Variants in CNBD1 observed in about 807,000 individuals in gnomAD.
CNBD1 encodes the protein cyclic nucleotide-binding domain-containing protein 1.
A neutral mutation model predicts 54.4 loss-of-function variants in CNBD1; 71 were observed. The observed-to-expected ratio is 1.30, with a 90% confidence interval of 1.08 to 1.59. The LOEUF is 1.59. Ranked by LOEUF, CNBD1 falls within the 40% of genes most tolerant of loss-of-function variation. CNBD1 has a pLI of 0.00. For synonymous variants in CNBD1, 182 were observed against 170.7 expected (o/e 1.07, Z -0.51); for missense variants, 659 against 518.0 (o/e 1.27, Z -2.64).
At chr8:87,191,072 G>C (rs1813600710) in intron 4 of CNBD1, among the ~76,000 whole-genome samples, 2 of 151,746 alleles carry the variant, frequency 1.3e-5, no homozygotes, top group African/African-American at 4.8e-5. Flanking sequence ...GCCCTACCAT[G>C]TGCCATCTGT....
intron 4 of CNBD1, among the ~76,000 whole-genome samples, chr8:87,049,570 C>G (rs1283151216): frequency 6.6e-6 from 1 of 152,168 alleles, no homozygotes; most frequent in Non-Finnish European, 1.5e-5. Context: ...TCTGTGAAGA[C>G]AGTCCAATCT....
At chr8:87,013,453 GAAA>G (rs1176513445) in intron 4 of CNBD1, among the ~76,000 whole-genome samples, 5 of 151,734 alleles carry the variant, frequency 3.3e-5, no homozygotes, top group Non-Finnish European at 7.4e-5. Flanking sequence ...TTTACTTTCA[GAAA>G]AAAAGTCCTA....
At chr8:86,955,130 A>G (rs548027423) in intron 4 of CNBD1, among the ~76,000 whole-genome samples, 1 of 152,242 alleles carries the variant, frequency 6.6e-6, no homozygotes, top group East Asian at 1.9e-4. Flanking sequence ...GATGGTTTCC[A>G]GCTTCATCCA....
chr8:87,289,687 T>C (rs902363428), intron 8 of CNBD1, among the ~76,000 whole-genome samples: 2 of 152,102 alleles, frequency 1.3e-5, no homozygotes, highest in Non-Finnish European at 2.9e-5. Context: ...TATGTGAAAA[T>C]CATAATAATA....
chr8:87,132,679 CTT>C (rs1368626451), intron 4 of CNBD1, among the ~76,000 whole-genome samples: 4 of 146,086 alleles, frequency 2.7e-5, no homozygotes, highest in Admixed American at 6.9e-5. Flanking sequence ...TATGATATAT[CTT>C]ATATATATCA....
intron 4 of CNBD1, among the ~76,000 whole-genome samples, chr8:87,204,067 C>T (rs1198101790): frequency 1.3e-5 from 2 of 152,136 alleles, no homozygotes; most frequent in Non-Finnish European, 2.9e-5. Flanking sequence ...AATGTAAGAA[C>T]ACTGGAGATC....
intron 4 of CNBD1, among the ~76,000 whole-genome samples, chr8:86,991,851 T>A (rs1808756852): frequency 6.6e-6 from 1 of 152,174 alleles, no homozygotes; most frequent in African/African-American, 2.4e-5. Flanking sequence ...TTGATTCTAT[T>A]TTTATTGCAC....
intron 4 of CNBD1, among the ~76,000 whole-genome samples, chr8:87,156,591 AACATACAC>A (rs1812748031): frequency 6.6e-6 from 1 of 151,982 alleles, no homozygotes. Flanking sequence ...TGTATTCAGT[AACATACAC>A]AGATGGTCTT....
intron 4 of CNBD1, among the ~76,000 whole-genome samples, chr8:87,017,118 A>C (rs1809372746): frequency 6.6e-6 from 1 of 152,096 alleles, no homozygotes; most frequent in South Asian, 2.1e-4. Flanking sequence ...GACCCTTTTC[A>C]CCAGAAAAGG....
Position 87,232,659 on chromosome 8 carries a change from C to G in CNBD1, c.578-4260C>G, listed in dbSNP as rs927032719. Among the ~76,000 whole-genome samples, 16 of 152,130 alleles carry G rather than the reference C, an allele frequency of 1.1e-4. 1 individual carries two copies. Among genetic ancestry groups the G allele is most frequent in the African/African-American group, 3.4e-4 (14 of 41,546 alleles). ...TAAAAAACGTTATATAAATACTTGTCAATGTTGTGTAAATGATTACAGTAC... is the reference window on the plus strand; with the variant it reads ...TAAAAAACGTTATATAAATACTTGTGAATGTTGTGTAAATGATTACAGTAC... On this transcript the variant is annotated intron_variant, in intron 5 of 10. Transcript: ENST00000518476.
chr8:87,205,734 TA>T (rs1813957952), intron 4 of CNBD1, among the ~76,000 whole-genome samples: 1 of 152,112 alleles, frequency 6.6e-6, no homozygotes, highest in Admixed American at 6.6e-5. Flanking sequence ...GTTTTCTATT[TA>T]AAAAGAAATT....
chr8:87,208,310 A>C (rs1026458813), intron 5 of CNBD1, among the ~76,000 whole-genome samples: 1 of 152,134 alleles, frequency 6.6e-6, no homozygotes. Context: ...TAGGAAAACA[A>C]TATTATATTT....
intron 2 of CNBD1, among the ~76,000 whole-genome samples, chr8:87,396,016 G>A (rs1345685953): frequency 6.6e-6 from 1 of 151,916 alleles, no homozygotes; most frequent in South Asian, 2.1e-4. Flanking sequence ...AGAACTGTGA[G>A]TCAATTAAAC....
intron 2 of CNBD1, among the ~76,000 whole-genome samples, chr8:87,397,602 T>C (rs970449216): frequency 2.0e-5 from 3 of 151,970 alleles, no homozygotes; most frequent in African/African-American, 7.2e-5. Flanking sequence ...TTCACAGTAT[T>C]CAGAATTCAT....
intron 8 of CNBD1, among the ~76,000 whole-genome samples, chr8:87,306,782 G>A (rs1054944008): frequency 1.3e-5 from 2 of 151,878 alleles, no homozygotes; most frequent in African/African-American, 4.8e-5. Flanking sequence ...GGGGGGTGAG[G>A]GATAGAAGAC....
chr8:87,051,648 C>A (rs1167714707), intron 4 of CNBD1, among the ~76,000 whole-genome samples: 2 of 152,202 alleles, frequency 1.3e-5, no homozygotes, highest in Non-Finnish European at 2.9e-5. Flanking sequence ...TAGTAATCTG[C>A]AGCAGGAGCA....
intron 2 of CNBD1, among the ~76,000 whole-genome samples, chr8:87,426,088 C>G (rs1808043032): frequency 6.6e-6 from 1 of 152,202 alleles, no homozygotes; most frequent in Admixed American, 6.5e-5. Flanking sequence ...TCTCCAGGTG[C>G]CGTCCATCAC....
chr8:87,181,598 A>G (rs1450794781), intron 4 of CNBD1, among the ~76,000 whole-genome samples: 2 of 152,168 alleles, frequency 1.3e-5, no homozygotes, highest in Non-Finnish European at 2.9e-5. Flanking sequence ...TTGTGTTTTT[A>G]CTACTGTATG....
chr8:86,910,265 G>A (rs1189279395), intron 3 of CNBD1, among the ~76,000 whole-genome samples: 1 of 152,082 alleles, frequency 6.6e-6, no homozygotes, highest in Admixed American at 6.6e-5. Context: ...AGTGCTTGTC[G>A]GACTCTCTAC....
Sources: allele counts gnomAD v4.1 joint callset (sites outside exome capture counted in the v4.1 genomes callset), GRCh38; gene constraint gnomAD v4.1.1; transcripts MANE v1.5; gene names NCBI Gene and HGNC (gene_info 2026-07-23, HGNC 2026-07-21).